MAN1A2: variants seen among roughly 807,000 people sequenced by gnomAD.
MAN1A2 encodes the protein mannosyl-oligosaccharide 1,2-alpha-mannosidase IB.
Under a neutral mutation model 75.7 loss-of-function variants are expected in MAN1A2, and 26 were observed. The observed-to-expected ratio is 0.34, with a 90% CI of 0.25 to 0.48. The LOEUF is 0.48. Ranked by LOEUF, MAN1A2 falls within the 20% of genes least tolerant of loss-of-function variation. MAN1A2 has a pLI of 0.99. For synonymous variants in MAN1A2, 247 were observed against 264.6 expected, an observed-to-expected ratio of 0.93 and a Z score of 0.65; for missense variants, 562 against 775.5, an observed-to-expected ratio of 0.72 and a Z score of 3.27.
intron 1 of MAN1A2, among the ~76,000 whole-genome samples, chr1:117,391,724 C>T (rs563475626): frequency 2.4e-4 from 36 of 152,270 alleles, no homozygotes; most frequent in Non-Finnish European, 4.0e-4. Context: ...TCTGAACCTA[C>T]GAGCTTTGTT....
chr1:117,408,442 T>C (rs1166860884), intron 3 of MAN1A2, among the ~76,000 whole-genome samples: 1 of 152,084 alleles, frequency 6.6e-6, no homozygotes, highest in East Asian at 1.9e-4. Flanking sequence ...GATTTTGCAA[T>C]GCTCTTTGAA....
intron 6 of MAN1A2, among the ~76,000 whole-genome samples, chr1:117,458,482 GAAAT>G (rs1649673417): frequency 2.2e-5 from 2 of 90,672 alleles, no homozygotes; most frequent in African/African-American, 9.6e-5. Flanking sequence ...TATAAGATGA[GAAAT>G]ATATATATAT....
At chr1:117,431,539 C>T (rs1027349891) in intron 5 of MAN1A2, among the ~76,000 whole-genome samples, 1 of 152,170 alleles carries the variant, frequency 6.6e-6, no homozygotes, top group Non-Finnish European at 1.5e-5. Flanking sequence ...TTATACAGCA[C>T]TTTACTCAAC....
At chr1:117,402,622 A>G (rs756913488) in intron 2 of MAN1A2, among the ~76,000 whole-genome samples, 181 bp downstream of exon 2, 2 of 151,572 alleles carry the variant, frequency 1.3e-5, no homozygotes, top group African/African-American at 2.4e-5. Flanking sequence ...AATGTTAATT[A>G]TAATGTAATT....
Position 117,377,500 on chromosome 1 carries a change from A to C in MAN1A2, c.302+9015A>C, listed in dbSNP as rs10923276. Among the ~76,000 whole-genome samples, 586 of 152,338 alleles carry C rather than the reference A, an allele frequency of 3.8e-3. 7 individuals are homozygous for C. Among genetic ancestry groups the C allele is most frequent in the African/African-American group, 0.013 (557 of 41,586 alleles). On this transcript the variant is annotated intron_variant, in intron 1 of 12. Coordinates refer to ENST00000356554, the MANE Select transcript of MAN1A2 (RefSeq NM_006699.5). ...GGAAATTTTCACAAAGAAGTGTTCAAATCACTTCTTTCACAAATCCGTGTG... is the reference window on the plus strand; with the variant it reads ...GGAAATTTTCACAAAGAAGTGTTCACATCACTTCTTTCACAAATCCGTGTG...
intron 8 of MAN1A2, among the ~76,000 whole-genome samples, chr1:117,469,502 A>G (rs1350655987): frequency 6.6e-6 from 1 of 152,118 alleles, no homozygotes; most frequent in Non-Finnish European, 1.5e-5. Context: ...ATCAAAGCAT[A>G]CTATCTATGA....
In MAN1A2 at chr1:117,368,286, GAGA is replaced by G. The variant is rs1380299100; in HGVS notation, c.106_108del (p.Lys36del). The G allele has an allele frequency of 6.2e-7, 1 of 1,614,138 alleles. No homozygotes were observed. The highest frequency in any genetic ancestry group is 8.5e-7 in the Non-Finnish European group (1 of 1,180,020). On this transcript the variant is annotated inframe_deletion, in exon 1 of 13. Transcript: ENST00000356554. Reference sequence around the variant, plus strand: ...TCACAGGGCTACCTTGAGACTTTCTGAGAAGTTTATTCTTCTCCTTATTCTTAG... The same window carrying G: ...TCACAGGGCTACCTTGAGACTTTCTGAGTTTATTCTTCTCCTTATTCTTAG...
chr1:117,430,650 A>G (rs1648603590), intron 5 of MAN1A2, among the ~76,000 whole-genome samples: 1 of 59,792 alleles, frequency 1.7e-5, no homozygotes, highest in Non-Finnish European at 3.3e-5. Context: ...CCTAGATGTG[A>G]TGGCGGCTGG....
intron 8 of MAN1A2, among the ~76,000 whole-genome samples, chr1:117,486,701 T>G (rs1037133438): frequency 6.6e-6 from 1 of 151,866 alleles, no homozygotes; most frequent in East Asian, 1.9e-4. Flanking sequence ...GGACTAAAAT[T>G]TGAGAGAAAA....
At chr1:117,465,128 T>C (rs185721997) in intron 7 of MAN1A2, among the ~76,000 whole-genome samples, 202 of 151,582 alleles carry the variant, frequency 1.3e-3, no homozygotes, top group African/African-American at 4.8e-3. Context: ...AAAATAGTTA[T>C]CAACAAAATG....
At chr1:117,446,495 A>T (rs1468330868) in intron 6 of MAN1A2, among the ~76,000 whole-genome samples, 1 of 151,942 alleles carries the variant, frequency 6.6e-6, no homozygotes, top group Non-Finnish European at 1.5e-5. Flanking sequence ...TTTTGTTATT[A>T]TTCAGTTCAA....
At chr1:117,461,363 A>G (rs1196504103) in intron 7 of MAN1A2, among the ~76,000 whole-genome samples, 1 of 152,132 alleles carries the variant, frequency 6.6e-6, no homozygotes, top group East Asian at 1.9e-4. Flanking sequence ...GATCTCACGG[A>G]GGTAGAGAAT....
intron 2 of MAN1A2, 106 bp from the exon 3 acceptor site, chr1:117,405,443 C>G: frequency 1.4e-6 from 1 of 714,408 alleles, no homozygotes. Context: ...TAATATAGAT[C>G]TGGAAGAATG....
chr1:117,469,596 A>T (rs527498120), intron 8 of MAN1A2, among the ~76,000 whole-genome samples: 1 of 152,188 alleles, frequency 6.6e-6, no homozygotes, highest in African/African-American at 2.4e-5. Flanking sequence ...TATATAAAGA[A>T]CTCCTACAAC....
intron 12 of MAN1A2, among the ~76,000 whole-genome samples, chr1:117,522,275 C>T (rs1487999823): frequency 6.6e-6 from 1 of 151,866 alleles, no homozygotes; most frequent in African/African-American, 2.4e-5. Context: ...ACTCTAACAA[C>T]AAATTACATA....
chr1:117,525,767 G>A lies in MAN1A2; in HGVS notation c.*2810G>A, dbSNP rs1044026049. The A allele has an allele frequency of 6.6e-6, 1 of 151,568 alleles. No individual in the cohort carries two copies. The highest frequency in any genetic ancestry group is 2.4e-5 in the African/African-American group (1 of 41,324). 9.4% of individuals were successfully genotyped at this position (151,568 alleles called of 1,614,324 possible). A position where few individuals can be genotyped will look rare whatever the true frequency, so the allele number is the denominator to read the frequency against. On this transcript the variant is annotated 3_prime_UTR_variant, in exon 13 of 13. Transcript: ENST00000356554. ...ATTATTATTATTCAACCAGTATTAA[G>A]TTGTTAAAACCAAGGGAATGGGGCC... is the stretch of plus-strand genomic sequence containing the variant.
intron 8 of MAN1A2, among the ~76,000 whole-genome samples, chr1:117,479,950 A>G (rs1263120623): frequency 6.6e-6 from 1 of 151,878 alleles, no homozygotes; most frequent in Non-Finnish European, 1.5e-5. Context: ...AATCTGGTGC[A>G]TTGCTCAGTG....
intron 7 of MAN1A2, among the ~76,000 whole-genome samples, chr1:117,461,296 A>G (rs550495816): frequency 3.3e-5 from 5 of 152,200 alleles, no homozygotes; most frequent in Non-Finnish European, 5.9e-5. Flanking sequence ...AAATAAGCCA[A>G]GCTTAGAAAG....
chr1:117,414,054 G>C (rs1461656373), intron 3 of MAN1A2, among the ~76,000 whole-genome samples: 1 of 151,362 alleles, frequency 6.6e-6, no homozygotes, highest in Non-Finnish European at 1.5e-5. Flanking sequence ...CTTCCCCTCA[G>C]AACATTTTTT....
Sources: gnomAD v4.1 joint callset for allele counts (sites outside exome capture counted in the v4.1 genomes callset) on GRCh38, gnomAD v4.1.1 for gene constraint, MANE v1.5 for transcripts, NCBI Gene and HGNC (gene_info 2026-07-23, HGNC 2026-07-21) for gene names.